Variants in SPANXN3 observed in about 807,000 individuals in gnomAD.
SPANXN3 encodes SPANX family member N3, also known as sperm protein associated with the nucleus on the X chromosome N3.
Under a neutral mutation model 1.9 loss-of-function variants are expected in SPANXN3, and 1 was observed. The ratio of observed to expected loss-of-function variants is 0.54; its 90% CI spans 0.19 to 2.54. The LOEUF is 2.54. Ranked by LOEUF, SPANXN3 falls within the 30% of genes most tolerant of loss-of-function variation. The pLI, the probability that SPANXN3 is intolerant of heterozygous loss-of-function variation, is 0.24. For synonymous variants in SPANXN3, 47 were observed against 40.0 expected (o/e 1.17, Z -0.66); for missense variants, 113 against 96.2 (o/e 1.17, Z -0.73).
In SPANXN3 at chrX:143,517,445, C is replaced by T; in HGVS notation, c.-54G>A. On this transcript the variant is annotated 5_prime_UTR_variant, in exon 1 of 2. Coordinates refer to ENST00000370503, the MANE Select transcript of SPANXN3 (RefSeq NM_001009609.4). ...GTAGGCTCCTGTAGACTGCAGACTTCCACAGCTATGTTGAAGCTTCCCAGT... is the reference window on the plus strand; with the variant it reads ...GTAGGCTCCTGTAGACTGCAGACTTTCACAGCTATGTTGAAGCTTCCCAGT... The T allele has an allele frequency of 1.7e-6, 2 of 1,159,714 alleles. No homozygotes were observed. Among genetic ancestry groups the T allele is most frequent in the Non-Finnish European group, 2.4e-6 (2 of 849,968 alleles).
chrX:143,514,729 G>A (rs1247537023), intron 1 of SPANXN3, among the ~76,000 whole-genome samples: 3 of 111,015 alleles, frequency 2.7e-5, no homozygotes, highest in East Asian at 2.8e-4. Context: ...GTCAGACAAC[G>A]GGCCAATTTG....
chrX:143,514,316 G>C (rs1395298812), intron 1 of SPANXN3, among the ~76,000 whole-genome samples: 2 of 112,562 alleles, frequency 1.8e-5, no homozygotes. Flanking sequence ...TCTTGTCCAA[G>C]TTTAAAAAAC....
chrX:143,517,062 G>GA (rs1249276024), intron 1 of SPANXN3, among the ~76,000 whole-genome samples: 3 of 110,896 alleles, frequency 2.7e-5, no homozygotes, highest in Non-Finnish European at 1.9e-5. Flanking sequence ...CATCCCACTG[G>GA]AAAAAGGACC....
In SPANXN3 at chrX:143,509,034, C is replaced by T; in HGVS notation, c.207G>A (p.Glu69=). 2 of 1,211,817 alleles carry T rather than the reference C, an allele frequency of 1.7e-6. No individual in the cohort carries two copies. The highest frequency in any genetic ancestry group is 2.2e-6 in the Non-Finnish European group (2 of 895,411). The change falls in exon 2 of 2, where the codon GAG becomes GAA. Residue 69 remains glutamate, a synonymous_variant. Coordinates refer to ENST00000370503, the MANE Select transcript of SPANXN3 (RefSeq NM_001009609.4). ...TGGAGTTCTCTTGGGACTGTTCATT[C>T]TCCAGTTGATTTGAATTTATTTTCT... The part of the protein sequence containing the change: ...KGKKINSNQL[E]NEQSQENSIN...
intron 1 of SPANXN3, among the ~76,000 whole-genome samples, chrX:143,516,484 C>G (rs1178540272): frequency 8.0e-5 from 9 of 112,567 alleles, no homozygotes; most frequent in Admixed American, 1.9e-4. Context: ...TAAGCAGGCT[C>G]TACATCTCAT....
intron 1 of SPANXN3, among the ~76,000 whole-genome samples, chrX:143,515,976 G>C (rs1289952897): frequency 1.6e-4 from 10 of 62,509 alleles, no homozygotes; most frequent in African/African-American, 4.9e-4. Context: ...CTCCCCTCTT[G>C]GCTGGAGCCG....
At chrX:143,517,222 T>G in intron 1 of SPANXN3, 92 bp downstream of exon 1, 1 of 1,010,424 alleles carries the variant, frequency 9.9e-7, no homozygotes. Flanking sequence ...TCCACAGGTG[T>G]CTGCAGTATT....
At chrX:143,516,227 T>G (rs1929212627) in intron 1 of SPANXN3, among the ~76,000 whole-genome samples, 1 of 112,034 alleles carries the variant, frequency 8.9e-6, no homozygotes, top group Non-Finnish European at 1.9e-5. Flanking sequence ...AATATAAAAG[T>G]TAAAACAAAG....
intron 1 of SPANXN3, among the ~76,000 whole-genome samples, chrX:143,513,774 G>A (rs377137625): frequency 2.1e-4 from 24 of 111,670 alleles, no homozygotes; most frequent in African/African-American, 5.9e-4. Flanking sequence ...ACACATACAC[G>A]GTTAGTTAAT....
intron 1 of SPANXN3, among the ~76,000 whole-genome samples, chrX:143,511,968 C>T (rs1211275731): frequency 9.0e-6 from 1 of 111,363 alleles, no homozygotes; most frequent in Non-Finnish European, 1.9e-5. Flanking sequence ...ACTAGTTACT[C>T]GGTTTTACCA....
Position 143,517,168 on chromosome X carries a change from C to G in SPANXN3, c.78+146G>C, listed in dbSNP as rs187590504. 0.012 allele frequency: 8,311 copies of G among 684,334 alleles called. 412 individuals are homozygous for G. The African/African-American group carries it at 0.16, about 13-fold the overall frequency. The allele number at this position is 684,334 out of a possible 1,213,427, so 56.4% of individuals were successfully genotyped here. A position where few individuals can be genotyped will look rare whatever the true frequency, so the allele number is the denominator to read the frequency against. ...CCACCCCTACCTACAAGCACCCCAG[C>G]CTGTAAGCAGCGGTGGGCTCTGGCA... On this transcript the variant is annotated intron_variant, in intron 1 of 1. Transcript: ENST00000370503.
chrX:143,509,019 T>C lies in SPANXN3; in HGVS notation c.222A>G (p.Gln74=). 2.5e-6 allele frequency: 3 copies of C among 1,212,172 alleles called. No individual in the cohort carries two copies. Among genetic ancestry groups the C allele is most frequent in the Non-Finnish European group, 3.3e-6 (3 of 895,609 alleles). The change falls in exon 2 of 2, where the codon CAA becomes CAG. Residue 74 remains glutamine, a synonymous_variant. Transcript: ENST00000370503. ...TTTGGATTGGATTGATGGAGTTCTC[T>C]TGGGACTGTTCATTCTCCAGTTGAT... The part of the protein sequence containing the change: ...NSNQLENEQS[Q]ENSINPIQKE...
intron 1 of SPANXN3, among the ~76,000 whole-genome samples, chrX:143,511,158 G>C (rs1197527649): frequency 9.0e-6 from 1 of 111,040 alleles, no homozygotes; most frequent in Non-Finnish European, 1.9e-5. Context: ...CTGGAGGACA[G>C]GGAACACATA....
intron 1 of SPANXN3, chrX:143,509,463 A>G: frequency 3.7e-6 from 1 of 270,796 alleles, no homozygotes; most frequent in Non-Finnish European, 6.5e-6. Flanking sequence ...TAACCACCTG[A>G]CCACAAGGTG....
Position 143,517,193 on chromosome X carries a change from A to G in SPANXN3, c.78+121T>C, listed in dbSNP as rs1248395602. ...CCTGTAAGCAGCGGTGGGCTCTGGCATTAAGCGGGTCCCCCACTTCCACAG... is the reference window on the plus strand; with the variant it reads ...CCTGTAAGCAGCGGTGGGCTCTGGCGTTAAGCGGGTCCCCCACTTCCACAG... On this transcript the variant is annotated intron_variant, in intron 1 of 1. Transcript: ENST00000370503. 8.1e-6 allele frequency: 7 copies of G among 869,522 alleles called. No homozygotes were observed. The Admixed American group carries it at 1.6e-4, about 20-fold the overall frequency. 71.7% of individuals were successfully genotyped at this position (869,522 alleles called of 1,213,427 possible).
chrX:143,509,104 G>A lies in SPANXN3; in HGVS notation c.137C>T (p.Thr46Ile). 1 of 1,211,490 alleles carries A rather than the reference G, an allele frequency of 8.3e-7. No individual in the cohort carries two copies. Among genetic ancestry groups the A allele is most frequent in the Non-Finnish European group, 1.1e-6 (1 of 895,329 alleles). Residue 46 changes from threonine to isoleucine, a missense_variant, in exon 2 of 2, where the codon ACA becomes ATA. Transcript: ENST00000370503. Reference protein sequence around the residue: ...APEQSLKNTKTSEYPIIFVYY... With the variant: ...APEQSLKNTKISEYPIIFVYY... ...CACAAATATTATTGGATATTCTGAT[G>A]TTTTTGTGTTCTTCAAACTCTGTTC...
In SPANXN3 at chrX:143,508,804, T is replaced by A. The variant is rs1556411203; in HGVS notation, c.*11A>T. 1.7e-6 allele frequency: 2 copies of A among 1,193,920 alleles called. No homozygotes were observed. The highest frequency in any genetic ancestry group is 4.4e-5 in the Admixed American group (2 of 45,285). On this transcript the variant is annotated 3_prime_UTR_variant, in exon 2 of 2. Transcript: ENST00000370503. Reference sequence around the variant, plus strand: ...GTGATGATTTGTCCAATTTGGTTTCTCCATGTGTGACTAATCCTCCCCACT... The same window carrying A: ...GTGATGATTTGTCCAATTTGGTTTCACCATGTGTGACTAATCCTCCCCACT...
chrX:143,516,957 G>A (rs1556412707), intron 1 of SPANXN3, among the ~76,000 whole-genome samples: 4 of 111,923 alleles, frequency 3.6e-5, no homozygotes. Flanking sequence ...GAAAAATCTT[G>A]CCTAATCGTC....
intron 1 of SPANXN3, among the ~76,000 whole-genome samples, chrX:143,514,847 G>A (rs782790825): frequency 9.0e-6 from 1 of 111,212 alleles, no homozygotes; most frequent in Non-Finnish European, 1.9e-5. Flanking sequence ...AACAGCAACT[G>A]ACCAATCTTC....
Sources: allele counts gnomAD v4.1 joint callset (sites outside exome capture counted in the v4.1 genomes callset), GRCh38; gene constraint gnomAD v4.1.1; transcripts MANE v1.5; gene names NCBI Gene and HGNC (gene_info 2026-07-23, HGNC 2026-07-21).